TAOK3: variants seen among roughly 807,000 people sequenced by gnomAD.
The protein encoded by TAOK3 is TAO kinase 3.
Under a neutral mutation model 120.4 loss-of-function variants are expected in TAOK3, and 40 were observed. That is an observed-to-expected ratio of 0.33 (90% CI 0.26 to 0.43). The LOEUF (loss-of-function observed/expected upper bound fraction) is 0.43. Ranked by LOEUF, TAOK3 falls within the 20% of genes least tolerant of loss-of-function variation. The pLI, the probability that TAOK3 is intolerant of heterozygous loss-of-function variation, is 1.00. For synonymous variants in TAOK3, 355 were observed against 387.5 expected (o/e 0.92, Z 0.99); for missense variants, 821 against 1,112.1 (o/e 0.74, Z 3.72).
At chr12:118,244,358 C>T (rs2040384240) in intron 4 of TAOK3, among the ~76,000 whole-genome samples, 1 of 152,072 alleles carries the variant, frequency 6.6e-6, no homozygotes, top group Admixed American at 6.5e-5. Flanking sequence ...CCACCTCATC[C>T]AGCCTGCAAA....
At chr12:118,240,178 CTT>C (rs57739118) in intron 5 of TAOK3, among the ~76,000 whole-genome samples, 12 of 134,282 alleles carry the variant, frequency 8.9e-5, no homozygotes, top group Admixed American at 2.3e-4. Flanking sequence ...TTTCTTTACT[CTT>C]TTTTTTTTTT....
chr12:118,319,440 GATA>G, intron 1 of TAOK3, among the ~76,000 whole-genome samples: 1 of 151,082 alleles, frequency 6.6e-6, no homozygotes, highest in Non-Finnish European at 1.5e-5. Context: ...TTAGAAACCT[GATA>G]ATAATCTACA....
At chr12:118,305,688 T>C (rs1196593043) in intron 1 of TAOK3, among the ~76,000 whole-genome samples, 1 of 152,082 alleles carries the variant, frequency 6.6e-6, no homozygotes, top group African/African-American at 2.4e-5. Context: ...GCAGATCACT[T>C]GAGGTCAGGA....
intron 7 of TAOK3, 65 bp from the exon 8 acceptor site, chr12:118,235,736 C>A: frequency 1.0e-6 from 1 of 1,002,150 alleles, no homozygotes; most frequent in South Asian, 1.5e-5. Context: ...TAGGTCAGAG[C>A]ATGCAATTAA....
intron 1 of TAOK3, among the ~76,000 whole-genome samples, chr12:118,287,227 T>C (rs184332551): frequency 6.6e-6 from 1 of 152,246 alleles, no homozygotes; most frequent in Admixed American, 6.5e-5. Context: ...TTTTAAAAAA[T>C]TAAATTAAAT....
At chr12:118,327,015 A>G (rs997948167) in intron 1 of TAOK3, among the ~76,000 whole-genome samples, 11 of 152,232 alleles carry the variant, frequency 7.2e-5, no homozygotes, top group Admixed American at 2.0e-4. Context: ...ACTTGCTGAC[A>G]TACATCTGCA....
At chr12:118,254,009 C>T (rs185354309) in intron 3 of TAOK3, among the ~76,000 whole-genome samples, 2 of 150,660 alleles carry the variant, frequency 1.3e-5, no homozygotes, top group African/African-American at 2.4e-5. Flanking sequence ...GAGCCAAGAT[C>T]GTGCCACTGT....
intron 3 of TAOK3, among the ~76,000 whole-genome samples, chr12:118,245,179 C>T (rs1046033664): frequency 2.0e-5 from 3 of 152,018 alleles, no homozygotes; most frequent in Non-Finnish European, 2.9e-5. Flanking sequence ...ATTACAGGCA[C>T]GCACCACCAT....
chr12:118,198,060 C>T (rs1334015398), intron 13 of TAOK3, among the ~76,000 whole-genome samples: 2 of 152,166 alleles, frequency 1.3e-5, no homozygotes, highest in Non-Finnish European at 2.9e-5. Flanking sequence ...ATCTGTCTGA[C>T]ATCTTTGCTT....
chr12:118,265,044 A>C (rs2041384645), intron 2 of TAOK3, among the ~76,000 whole-genome samples: 1 of 152,126 alleles, frequency 6.6e-6, no homozygotes, highest in African/African-American at 2.4e-5. Context: ...AAAAGAAAAA[A>C]ATACATAAAT....
At position 118,150,882 on chromosome 12, in the gene TAOK3, G is replaced by GTA; in HGVS notation, c.*114_*115insTA. The GTA allele has an allele frequency of 4.6e-6, 5 of 1,083,224 alleles. No individual in the cohort carries two copies. The East Asian group carries it at 1.3e-4, about 27-fold the overall frequency. The allele number at this position is 1,083,224 out of a possible 1,614,324, so 67.1% of individuals were successfully genotyped here. A position where few individuals can be genotyped will look rare whatever the true frequency, so the allele number is the denominator to read the frequency against. ...CGACACGATGTCAGTAAGAGTAAGAGAGAGAGAGAGTGAGAGCAACGCCCG... is the reference window on the plus strand; with the variant it reads ...CGACACGATGTCAGTAAGAGTAAGAGTAAGAGAGAGAGTGAGAGCAACGCCCG... On this transcript the variant is annotated 3_prime_UTR_variant, in exon 21 of 21. Coordinates refer to ENST00000392533, the MANE Select transcript of TAOK3 (RefSeq NM_016281.4).
At chr12:118,367,648 A>G (rs1469315640) in intron 1 of TAOK3, among the ~76,000 whole-genome samples, 2 of 152,168 alleles carry the variant, frequency 1.3e-5, no homozygotes, top group African/African-American at 4.8e-5. Context: ...TAAATTCCCT[A>G]TGCTGATATG....
At chr12:118,249,241 T>G (rs1457952602) in intron 3 of TAOK3, among the ~76,000 whole-genome samples, 3 of 152,212 alleles carry the variant, frequency 2.0e-5, no homozygotes, top group Non-Finnish European at 4.4e-5. Flanking sequence ...TTTGCTATTT[T>G]ATAGACAAAT....
At chr12:118,368,028 G>A (rs2045788194) in intron 1 of TAOK3, among the ~76,000 whole-genome samples, 1 of 152,096 alleles carries the variant, frequency 6.6e-6, no homozygotes, top group South Asian at 2.1e-4. Context: ...GCCTGTATAC[G>A]ACTCCAGTAG....
chr12:118,164,196 G>A (rs1249093027), intron 17 of TAOK3, among the ~76,000 whole-genome samples: 14 of 151,086 alleles, frequency 9.3e-5, no homozygotes, highest in East Asian at 6.3e-4. Context: ...GCCTGGTGGC[G>A]GGCACCTGTA....
At chr12:118,221,331 C>T (rs2039219843) in intron 9 of TAOK3, among the ~76,000 whole-genome samples, 1 of 152,098 alleles carries the variant, frequency 6.6e-6, no homozygotes, top group Admixed American at 6.6e-5. Context: ...TCAAGAGATT[C>T]TCCTGCCTCA....
chr12:118,240,864 A>C (rs1163201644), intron 5 of TAOK3, among the ~76,000 whole-genome samples: 1 of 152,032 alleles, frequency 6.6e-6, no homozygotes, highest in Non-Finnish European at 1.5e-5. Flanking sequence ...TCATTAAAAA[A>C]ATTAATGTGA....
intron 11 of TAOK3, among the ~76,000 whole-genome samples, 159 bp downstream of exon 11, chr12:118,212,755 C>T (rs2038695533): frequency 6.6e-6 from 1 of 152,178 alleles, no homozygotes; most frequent in South Asian, 2.1e-4. Flanking sequence ...TTGCAATAAT[C>T]TTGCTATTTC....
rs1392046336 is a variant in TAOK3 at position 118,210,188 on chromosome 12, C to T, written c.819+2726G>A. 2.0e-5 allele frequency among the ~76,000 whole-genome samples: 3 copies of T among 152,144 alleles called. 1 individual carries two copies. Among genetic ancestry groups the T allele is most frequent in the Non-Finnish European group, 4.4e-5 (3 of 68,040 alleles). ...TCCAGTCCCTCATTCATTCTTCCTG[C>T]TTGCCTTCCTCCCTCTTTTTCTTCT... On this transcript the variant is annotated intron_variant, in intron 11 of 20. Transcript: ENST00000392533.
Sources: gnomAD v4.1 joint callset for allele counts (sites outside exome capture counted in the v4.1 genomes callset) on GRCh38, gnomAD v4.1.1 for gene constraint, MANE v1.5 for transcripts, NCBI Gene and HGNC (gene_info 2026-07-23, HGNC 2026-07-21) for gene names.